MECR: variants seen among roughly 807,000 people sequenced by gnomAD.
The protein encoded by MECR is enoyl-[acyl-carrier-protein] reductase, mitochondrial.
MECR carries 37 observed loss-of-function variants against 49.1 expected under a neutral mutation model. That is an observed-to-expected ratio of 0.75 (90% confidence interval 0.58 to 0.99). The LOEUF (loss-of-function observed/expected upper bound fraction) is 0.99. Ranked by LOEUF, MECR falls within the 50% of genes least tolerant of loss-of-function variation. MECR has a pLI of 0.00. For synonymous variants in MECR, 198 were observed against 191.1 expected, an observed-to-expected ratio of 1.04 and a Z score of -0.30; for missense variants, 470 against 479.6, an observed-to-expected ratio of 0.98 and a Z score of 0.19.
At chr1:29,205,342 C>T in intron 4 of MECR, among the ~76,000 whole-genome samples, 1 of 151,976 alleles carries the variant, frequency 6.6e-6, no homozygotes, top group East Asian at 2.0e-4. Flanking sequence ...TGCCACCACG[C>T]CGGGCTAATT....
chr1:29,190,585 GGA>G (rs1673101561), downstream of MECR, among the ~76,000 whole-genome samples: 1 of 152,082 alleles, frequency 6.6e-6, no homozygotes. Flanking sequence ...CCTGAGGTCA[GGA>G]GTTCGAGACC....
At chr1:29,209,890 T>G (rs924789903) in intron 3 of MECR, among the ~76,000 whole-genome samples, 1 of 152,094 alleles carries the variant, frequency 6.6e-6, no homozygotes, top group African/African-American at 2.4e-5. Context: ...GGTGTCCTGG[T>G]CCTATGTGGG....
the MECR span, chr1:29,181,772 G>GCTGGCC: frequency 6.4e-7 from 1 of 1,558,112 alleles, no homozygotes; most frequent in South Asian, 1.2e-5. Flanking sequence ...GGCAGTGATG[G>GCTGGCC]CTGGCCCCGG....
chr1:29,219,420 T>C (rs1680233060), intron 1 of MECR, among the ~76,000 whole-genome samples: 1 of 152,128 alleles, frequency 6.6e-6, no homozygotes. Context: ...AGCTTCTCTA[T>C]GAAGTGAGGA....
Position 29,216,011 on chromosome 1 carries a change from C to A in MECR, c.400G>T (p.Gly134Cys), listed in dbSNP as rs751642810. 7.4e-6 allele frequency: 12 copies of A among 1,614,004 alleles called. No individual in the cohort carries two copies. In the South Asian group the frequency reaches 1.3e-4, roughly 18 times the overall value. ...PGDWVIPANA[G>C]LGTWRTEAVF... ...GACACCTGGAGAAACTCACCTAAACCAGCATTTGCTGGAATCACCCAGTCT... is the reference window on the plus strand; with the variant it reads ...GACACCTGGAGAAACTCACCTAAACAAGCATTTGCTGGAATCACCCAGTCT... Residue 134 changes from glycine to cysteine, a missense_variant, in exon 3 of 10, where the codon GGT (glycine) becomes TGT (cysteine). Physicochemically the swap from Gly to Cys is radical, Grantham distance 159 (BLOSUM62 -3). Coordinates refer to ENST00000263702, the MANE Select transcript of MECR (RefSeq NM_016011.5).
chr1:29,195,235 G>C (rs1673671998), intron 9 of MECR, among the ~76,000 whole-genome samples: 1 of 152,218 alleles, frequency 6.6e-6, no homozygotes, highest in South Asian at 2.1e-4. Flanking sequence ...CCCCAGCTCA[G>C]ATCTAGTGCT....
the MECR span, among the ~76,000 whole-genome samples, chr1:29,180,839 T>C: frequency 6.6e-6 from 1 of 152,224 alleles, no homozygotes; most frequent in Admixed American, 6.5e-5. Context: ...TAATAGATCA[T>C]ACTCTGGGGG....
the MECR span, chr1:29,169,359 GCT>G: frequency 6.6e-6 from 1 of 152,204 alleles, no homozygotes. Context: ...AGAAACACAA[GCT>G]CTTGCACAGA....
the MECR span, among the ~76,000 whole-genome samples, chr1:29,179,504 C>T: frequency 5.9e-5 from 9 of 152,058 alleles, no homozygotes; most frequent in Non-Finnish European, 8.8e-5. Context: ...GGACTATAGG[C>T]GAGTGTCACC....
the MECR span, among the ~76,000 whole-genome samples, chr1:29,175,327 C>T: frequency 1.3e-4 from 19 of 150,846 alleles, no homozygotes; most frequent in East Asian, 2.4e-3. Context: ...GCAGCAGAAT[C>T]GCTTGTACCT....
At chr1:29,218,779 G>A (rs1330236985) in intron 1 of MECR, among the ~76,000 whole-genome samples, 1 of 152,162 alleles carries the variant, frequency 6.6e-6, no homozygotes, top group East Asian at 1.9e-4. Flanking sequence ...AGGAATGTAT[G>A]TATTTACACA....
downstream of MECR, among the ~76,000 whole-genome samples, chr1:29,190,520 G>T (rs943661143): frequency 6.6e-6 from 1 of 151,982 alleles, no homozygotes; most frequent in Non-Finnish European, 1.5e-5. Flanking sequence ...TGGGCAGGGC[G>T]CAGTGGCTTA....
At chr1:29,169,203 A>G in the MECR span, 1 of 152,244 alleles carries the variant, frequency 6.6e-6, no homozygotes, top group Non-Finnish European at 1.5e-5. Flanking sequence ...TCAAGAAACT[A>G]ACTTAGAGGA....
chr1:29,203,943 G>A (rs1298410903), intron 4 of MECR, among the ~76,000 whole-genome samples: 1 of 152,210 alleles, frequency 6.6e-6, no homozygotes, highest in Non-Finnish European at 1.5e-5. Context: ...CTTTGGACCT[G>A]GCCATTGGGG....
At chr1:29,170,647 A>G in the MECR span, 1 of 152,186 alleles carries the variant, frequency 6.6e-6, no homozygotes, top group South Asian at 2.1e-4. Context: ...AATTTTTCAA[A>G]TTCTTTTAAA....
At chr1:29,190,407 A>G (rs961254522), downstream of MECR, among the ~76,000 whole-genome samples, 14 of 151,958 alleles carry the variant, frequency 9.2e-5, no homozygotes, top group African/African-American at 3.1e-4. Context: ...GGCTGGGTAA[A>G]CTCCAGGAAT....
chr1:29,175,461 C>T, the MECR span, among the ~76,000 whole-genome samples: 2 of 150,498 alleles, frequency 1.3e-5, no homozygotes, highest in African/African-American at 2.4e-5. Context: ...TTTGGGAGGC[C>T]GAGGCGGGTG....
chr1:29,195,944 G>A lies in MECR; in HGVS notation c.961C>T (p.Pro321Ser). ...TGGCACTGGGCCATGCACTCACCTG[G>A]ACTGTGATCCTTCTTCCACTGGGAC... ...WLSQWKKDHS[P>S]DQFKELILTL... Residue 321 changes from proline to serine, a missense_variant, in exon 9 of 10, where the codon CCA becomes TCA. By Grantham distance (74) the Pro-to-Ser change is moderately conservative. Transcript: ENST00000263702. The A allele has an allele frequency of 6.2e-7, 1 of 1,614,196 alleles. No homozygotes were observed. Among genetic ancestry groups the A allele is most frequent in the Non-Finnish European group, 8.5e-7 (1 of 1,180,024 alleles).
At chr1:29,216,483 G>A in intron 2 of MECR, 105 bp downstream of exon 2, 1 of 1,159,018 alleles carries the variant, frequency 8.6e-7, no homozygotes, top group South Asian at 1.3e-5. Flanking sequence ...GAGAACAGCT[G>A]CTGCTAATCA....
Sources: gnomAD v4.1 joint callset for allele counts (sites outside exome capture counted in the v4.1 genomes callset) on GRCh38, gnomAD v4.1.1 for gene constraint, MANE v1.5 for transcripts, NCBI Gene and HGNC (gene_info 2026-07-23, HGNC 2026-07-21) for gene names.